PHF24: variants seen among roughly 807,000 people sequenced by gnomAD.
The protein encoded by PHF24 is Galpha inhibitory interacting protein.
A neutral mutation model predicts 42.6 loss-of-function variants in PHF24; 25 were observed. That is an observed-to-expected ratio of 0.59 (90% CI 0.43 to 0.82). The LOEUF (loss-of-function observed/expected upper bound fraction) is 0.82. PHF24 is among the 40% of genes least tolerant of loss of function. PHF24 has a pLI of 0.00. For missense variants in PHF24, 470 were observed against 538.1 expected, an observed-to-expected ratio of 0.87 and a Z score of 1.25; for synonymous variants, 185 against 204.8, an observed-to-expected ratio of 0.90 and a Z score of 0.83.
At chr9:34,845,162 A>G in the PHF24 span, among the ~76,000 whole-genome samples, 10 of 151,900 alleles carry the variant, frequency 6.6e-5, no homozygotes, top group African/African-American at 2.2e-4. Context: ...TTTTGTTCTC[A>G]TTTGTATGAA....
chr9:34,968,846 T>C (rs982624582), intron 1 of PHF24, among the ~76,000 whole-genome samples: 4 of 152,264 alleles, frequency 2.6e-5, no homozygotes, highest in African/African-American at 9.6e-5. Flanking sequence ...AACAGTCTAA[T>C]AGGGGAAACT....
exon 6 of PHF24, chr9:34,977,133 C>T (rs374791324): frequency 7.7e-5 from 125 of 1,613,158 alleles, no homozygotes; most frequent in Non-Finnish European, 6.0e-5. Context: ...GAGCCCGAGC[C>T]GCCTTCCTGG....
the PHF24 span, among the ~76,000 whole-genome samples, chr9:34,874,687 G>T: frequency 6.6e-6 from 1 of 152,126 alleles, no homozygotes; most frequent in Admixed American, 6.6e-5. Flanking sequence ...AGATATGCCT[G>T]CAGGTCAGAA....
the PHF24 span, among the ~76,000 whole-genome samples, chr9:34,849,118 C>T: frequency 1.6e-4 from 25 of 152,066 alleles, no homozygotes; most frequent in South Asian, 1.2e-3. Flanking sequence ...CTATTAGGTC[C>T]GCTTGGTGCA....
At chr9:34,726,817 C>A in the PHF24 span, 1 of 1,551,778 alleles carries the variant, frequency 6.4e-7, no homozygotes. Flanking sequence ...ACGTAGACAG[C>A]ATCTCTAGGC....
chr9:34,911,613 G>T, the PHF24 span, among the ~76,000 whole-genome samples: 1 of 152,216 alleles, frequency 6.6e-6, no homozygotes, highest in Admixed American at 6.5e-5. Flanking sequence ...ACCCATAAAA[G>T]GAAGGACAAT....
the PHF24 span, among the ~76,000 whole-genome samples, chr9:34,863,456 C>T: frequency 6.8e-6 from 1 of 148,124 alleles, no homozygotes; most frequent in Admixed American, 6.7e-5. Context: ...AGAGAGACTC[C>T]ATTTATTTGG....
At chr9:34,917,414 G>T in the PHF24 span, 5 of 768,440 alleles carry the variant, frequency 6.5e-6, no homozygotes, top group Non-Finnish European at 1.2e-5. Flanking sequence ...CATGTATCTC[G>T]TTCCTGCTGC....
chr9:34,968,131 TTTG>T (rs1358419260), intron 1 of PHF24, among the ~76,000 whole-genome samples: 1 of 152,250 alleles, frequency 6.6e-6, no homozygotes, highest in East Asian at 1.9e-4. Context: ...ACTTGCTATT[TTTG>T]TTAATATGTT....
the PHF24 span, among the ~76,000 whole-genome samples, chr9:34,798,872 T>C: frequency 6.6e-6 from 1 of 152,212 alleles, no homozygotes; most frequent in Non-Finnish European, 1.5e-5. Flanking sequence ...ACATCTGTCA[T>C]TTTTGACTTT....
At chr9:34,917,377 T>C in the PHF24 span, 8 of 777,406 alleles carry the variant, frequency 1.0e-5, no homozygotes, top group Non-Finnish European at 1.7e-5. Flanking sequence ...TCTATAGTAC[T>C]TTACAGTCTG....
At chr9:34,935,593 G>GAA in the PHF24 span, among the ~76,000 whole-genome samples, 99,761 of 122,422 alleles carry the variant, frequency 0.81, 41,875 homozygotes, top group East Asian at 0.98. Flanking sequence ...GACTTCATCT[G>GAA]AAAAAAAAAA....
chr9:34,761,966 G>C, the PHF24 span, among the ~76,000 whole-genome samples: 1 of 151,768 alleles, frequency 6.6e-6, no homozygotes, highest in Non-Finnish European at 1.5e-5. Flanking sequence ...TTGTTCTTGC[G>C]ATAGTTTACT....
At chr9:34,869,440 C>T in the PHF24 span, among the ~76,000 whole-genome samples, 2 of 152,094 alleles carry the variant, frequency 1.3e-5, no homozygotes, top group African/African-American at 2.4e-5. Context: ...TTTTAATAAT[C>T]GTGATTCTGA....
the PHF24 span, chr9:34,690,423 C>T: frequency 4.4e-6 from 4 of 913,260 alleles, no homozygotes; most frequent in Non-Finnish European, 6.3e-6. Flanking sequence ...ATTGAGGACA[C>T]CTGTGTGTGT....
At chr9:34,841,856 T>G in the PHF24 span, among the ~76,000 whole-genome samples, 1 of 152,230 alleles carries the variant, frequency 6.6e-6, no homozygotes, top group Non-Finnish European at 1.5e-5. Flanking sequence ...AGACTCCGTC[T>G]CAAAAAACAA....
chr9:34,861,722 A>G, the PHF24 span, among the ~76,000 whole-genome samples: 1 of 152,242 alleles, frequency 6.6e-6, no homozygotes, highest in Non-Finnish European at 1.5e-5. Flanking sequence ...CAGAAGAATG[A>G]CAGTTTATAA....
the PHF24 span, among the ~76,000 whole-genome samples, chr9:34,847,316 A>G: frequency 6.6e-6 from 1 of 152,148 alleles, no homozygotes; most frequent in Non-Finnish European, 1.5e-5. Context: ...GGTCCTTCAC[A>G]TCCCTTGTAA....
chr9:34,830,115 G>C, the PHF24 span, among the ~76,000 whole-genome samples: 1 of 152,190 alleles, frequency 6.6e-6, no homozygotes, highest in Admixed American at 6.5e-5. Context: ...GCTCAGAAAT[G>C]TTAAGTAACT....
Sources: allele counts gnomAD v4.1 joint callset (sites outside exome capture counted in the v4.1 genomes callset), GRCh38; gene constraint gnomAD v4.1.1; transcripts MANE v1.5; gene names NCBI Gene and HGNC (gene_info 2026-07-23, HGNC 2026-07-21).